Variants in SECISBP2 observed in about 807,000 individuals in gnomAD.
SECISBP2 encodes SECIS binding protein 2.
In SECISBP2, 96 loss-of-function variants were observed where a neutral mutation model predicts 98.2. The ratio of observed to expected loss-of-function variants is 0.98; its 90% CI spans 0.83 to 1.16. The LOEUF is 1.16. SECISBP2 is among the 50% of genes most tolerant of loss of function. The pLI, the probability that SECISBP2 is intolerant of heterozygous loss-of-function variation, is 0.00. For missense variants in SECISBP2, 1,046 were observed against 1,022.9 expected (o/e 1.02, Z -0.31); for synonymous variants, 407 against 370.2 (o/e 1.10, Z -1.14).
At chr9:89,350,316 A>G (rs551432298) in intron 13 of SECISBP2, among the ~76,000 whole-genome samples, 2 of 152,280 alleles carry the variant, frequency 1.3e-5, no homozygotes, top group Admixed American at 6.5e-5. Flanking sequence ...TTCTTCCAGG[A>G]TAGTCTCCCG....
At chr9:89,346,814 C>A in intron 10 of SECISBP2, 68 bp from the exon 11 acceptor site, 2 of 1,598,928 alleles carry the variant, frequency 1.3e-6, no homozygotes, top group Non-Finnish European at 1.7e-6. Context: ...CCTGGGCGAG[C>A]TGCGATCCAA....
At chr9:89,335,992 G>A (rs527659932) in intron 7 of SECISBP2, among the ~76,000 whole-genome samples, 6 of 149,748 alleles carry the variant, frequency 4.0e-5, no homozygotes, top group East Asian at 1.9e-4. Context: ...CATGTGGTAC[G>A]TGTCACTAAT....
chr9:89,341,545 C>T, intron 10 of SECISBP2, 66 bp downstream of exon 10: 1 of 1,583,674 alleles, frequency 6.3e-7, no homozygotes, highest in Non-Finnish European at 8.7e-7. Flanking sequence ...ATTATGTTAC[C>T]ATTTTCTCTT....
At position 89,338,497 on chromosome 9, in the gene SECISBP2, G is replaced by A. The variant is rs1305238039; in HGVS notation, c.1129G>A (p.Ala377Thr). Reference protein sequence around the residue: ...SQGSDLEQNEASRKNKKKKEK... With the variant: ...SQGSDLEQNETSRKNKKKKEK... ...AGGTAGTGACCTTGAACAAAATGAA[G>A]CCTCAAGAAAGAATAAGAAAAAGAA... The change falls in exon 8 of 17, where the codon GCC becomes ACC. Residue 377 changes from alanine to threonine, a missense_variant. Coordinates refer to ENST00000375807, the MANE Select transcript of SECISBP2 (RefSeq NM_024077.5). 1.9e-6 allele frequency: 3 copies of A among 1,613,442 alleles called. No individual in the cohort carries two copies. The highest frequency in any genetic ancestry group is 2.5e-6 in the Non-Finnish European group (3 of 1,179,836).
At chr9:89,341,041 C>CT (rs1829576509) in intron 9 of SECISBP2, among the ~76,000 whole-genome samples, 1 of 151,970 alleles carries the variant, frequency 6.6e-6, no homozygotes, top group African/African-American at 2.4e-5. Context: ...TAGCCAAAGA[C>CT]TTTATACAAG....
chr9:89,350,069 C>G (rs761012700), intron 13 of SECISBP2, 140 bp downstream of exon 13: 31 of 978,884 alleles, frequency 3.2e-5, no homozygotes, highest in Non-Finnish European at 4.9e-5. Context: ...AGCTGGGTAC[C>G]TGGTTACACG....
At chr9:89,333,633 C>T (rs1828126695) in intron 6 of SECISBP2, among the ~76,000 whole-genome samples, 1 of 152,066 alleles carries the variant, frequency 6.6e-6, no homozygotes, top group Non-Finnish European at 1.5e-5. Context: ...GTTTGTACTC[C>T]AGAACGGTTT....
chr9:89,346,289 A>T (rs1230138370), intron 10 of SECISBP2, among the ~76,000 whole-genome samples: 2 of 152,244 alleles, frequency 1.3e-5, no homozygotes, highest in South Asian at 2.1e-4. Context: ...TTCAGTAGTA[A>T]TCACAATAAT....
intron 9 of SECISBP2, among the ~76,000 whole-genome samples, chr9:89,340,593 A>G (rs1564390826): frequency 1.3e-5 from 2 of 152,260 alleles, no homozygotes. Flanking sequence ...ATTCAATGTT[A>G]TAATTTACTC....
rs944544644 is a variant in SECISBP2 at position 89,348,075 on chromosome 9, T to A, written c.1603-4T>A. 7.4e-6 allele frequency: 12 copies of A among 1,611,104 alleles called. No homozygotes were observed. In the African/African-American group the frequency reaches 1.3e-4, roughly 18 times the overall value. On this transcript the variant is annotated splice_region_variant and splice_polypyrimidine_tract_variant and intron_variant, in intron 11 of 16. Transcript: ENST00000375807. ...GCATTTTAATTGTTTATTTAATTTT[T>A]AAGATTATTTTGAAAGAACGGCAAG... is the stretch of plus-strand genomic sequence containing the variant.
chr9:89,326,273 A>C (rs566646723), intron 4 of SECISBP2, among the ~76,000 whole-genome samples: 1 of 152,218 alleles, frequency 6.6e-6, no homozygotes, highest in Non-Finnish European at 1.5e-5. Flanking sequence ...TTAAGTGCCT[A>C]TAATTTGTAT....
At chr9:89,327,453 CT>C (rs1212857672) in intron 4 of SECISBP2, among the ~76,000 whole-genome samples, 2 of 152,104 alleles carry the variant, frequency 1.3e-5, no homozygotes, top group African/African-American at 4.8e-5. Context: ...TAACACTTAC[CT>C]TTTGTAATAA....
chr9:89,348,718 C>CT (rs1299194478), intron 12 of SECISBP2, among the ~76,000 whole-genome samples: 18 of 152,270 alleles, frequency 1.2e-4, no homozygotes, highest in Admixed American at 1.2e-3. Flanking sequence ...CTTGTGCCCT[C>CT]TTGTCAGAGG....
At position 89,327,055 on chromosome 9, in the gene SECISBP2, G is replaced by A. The variant is rs557719509; in HGVS notation, c.574+1017G>A. ...CGGGCACCTGTAGTTCCAGCTACTC[G>A]GGAGGCTGAGGCAGGAGAATGGCAT... On this transcript the variant is annotated intron_variant, in intron 4 of 16. Transcript: ENST00000375807. Among the ~76,000 whole-genome samples the A allele has an allele frequency of 3.2e-3, 481 of 152,102 alleles. 1 individual carries two copies. The highest frequency in any genetic ancestry group is 5.2e-3 in the Non-Finnish European group (355 of 67,990).
downstream of SECISBP2, among the ~76,000 whole-genome samples, chr9:89,360,041 T>C (rs952667113): frequency 1.3e-5 from 2 of 152,220 alleles, no homozygotes; most frequent in Non-Finnish European, 2.9e-5. Flanking sequence ...AGAAATGACA[T>C]GCTATGAGCA....
At chr9:89,349,755 A>G (rs1381079486) in intron 12 of SECISBP2, 21 bp from the exon 13 acceptor site, 5 of 1,613,892 alleles carry the variant, frequency 3.1e-6, no homozygotes, top group Non-Finnish European at 3.4e-6. Context: ...ATATCTGATG[A>G]TGCCTTTTTC....
rs1827211688 is a variant in SECISBP2, at chr9:89,328,749, G to T, written c.664G>T (p.Asp222Tyr). ...SKPEFEFTTL[D>Y]FPELQGAENN... ...ACCTGAGTTTGAATTTACCACACTG[G>T]ACTTTCCTGAACTGCAAGGTGCAGA... The change falls in exon 5 of 17, where the codon GAC becomes TAC. Residue 222 changes from aspartate (D) to tyrosine (Y), a missense_variant. By Grantham distance (160) the Asp-to-Tyr change is radical. Coordinates refer to ENST00000375807, the MANE Select transcript of SECISBP2 (RefSeq NM_024077.5). 1 of 1,614,130 alleles carries T rather than the reference G, an allele frequency of 6.2e-7. No homozygotes were observed. Among genetic ancestry groups the T allele is most frequent in the Non-Finnish European group, 8.5e-7 (1 of 1,180,000 alleles).
downstream of SECISBP2, chr9:89,364,174 T>C (rs939744770): frequency 3.6e-5 from 31 of 871,500 alleles, no homozygotes; most frequent in South Asian, 3.4e-4. Context: ...TTGACCTTAA[T>C]TGCCATTTTT....
downstream of SECISBP2, chr9:89,362,545 G>C: frequency 6.4e-7 from 1 of 1,571,040 alleles, no homozygotes; most frequent in East Asian, 2.2e-5. Context: ...TCAGCCCCCT[G>C]TTGTGGTTCC....
Sources: gnomAD v4.1 joint callset for allele counts (sites outside exome capture counted in the v4.1 genomes callset) on GRCh38, gnomAD v4.1.1 for gene constraint, MANE v1.5 for transcripts, NCBI Gene and HGNC (gene_info 2026-07-23, HGNC 2026-07-21) for gene names.